RNF144A: variants seen among roughly 807,000 people sequenced by gnomAD.
RNF144A encodes ring finger protein 144A, also known as E3 ubiquitin-protein ligase RNF144A.
RNF144A carries 11 observed loss-of-function variants against 38.7 expected under a neutral mutation model. The observed-to-expected ratio is 0.28, with a 90% confidence interval of 0.18 to 0.47. The LOEUF (loss-of-function observed/expected upper bound fraction) is 0.47. Ranked by LOEUF, RNF144A falls within the 20% of genes least tolerant of loss-of-function variation. The probability of loss-of-function intolerance (pLI) is 0.99; values close to 1 mark genes in which losing one functional copy is unlikely to be tolerated. For missense variants in RNF144A, 316 were observed against 377.2 expected, an observed-to-expected ratio of 0.84 and a Z score of 1.34; for synonymous variants, 149 against 143.9, an observed-to-expected ratio of 1.04 and a Z score of -0.25.
At chr2:7,068,120 A>G (rs1360348102) in intron 6 of RNF144A, 1 of 593,212 alleles carries the variant, frequency 1.7e-6, no homozygotes, top group African/African-American at 1.9e-5. Context: ...ATCCCTTTGC[A>G]GTGGTCCCTC....
At chr2:7,027,588 G>A (rs1671993342) in intron 7 of RNF144A, among the ~76,000 whole-genome samples, 1 of 152,192 alleles carries the variant, frequency 6.6e-6, no homozygotes, top group South Asian at 2.1e-4. Flanking sequence ...AGTTCCAGTG[G>A]ACATTTTAAA....
chr2:7,028,586 A>G (rs1672076895), intron 7 of RNF144A, among the ~76,000 whole-genome samples: 1 of 152,214 alleles, frequency 6.6e-6, no homozygotes, highest in South Asian at 2.1e-4. Flanking sequence ...AAAAACGTTT[A>G]AAGAGCCTGC....
chr2:6,992,998 T>C (rs1669492165), intron 2 of RNF144A, among the ~76,000 whole-genome samples: 3 of 152,256 alleles, frequency 2.0e-5, no homozygotes, highest in Admixed American at 2.0e-4. Context: ...AAACAAAGAC[T>C]GTGCTTTCTT....
In RNF144A at chr2:7,042,237, C is replaced by T; in HGVS notation, c.*2477C>T. On this transcript the variant is annotated 3_prime_UTR_variant, in exon 9 of 9. Coordinates refer to ENST00000320892, the MANE Select transcript of RNF144A (RefSeq NM_014746.6). ...CTTTGATGGGAATACAGTATGAACC[C>T]TGCTTGATGTAAAATGGAAATAGCA... 1 of 985,412 alleles carries T rather than the reference C, an allele frequency of 1.0e-6. No individual in the cohort carries two copies. Among genetic ancestry groups the T allele is most frequent in the Non-Finnish European group, 1.2e-6 (1 of 829,928 alleles). 61.0% of individuals were successfully genotyped at this position (985,412 alleles called of 1,614,324 possible).
chr2:6,983,193 T>C (rs1668745492), intron 2 of RNF144A, among the ~76,000 whole-genome samples: 1 of 152,214 alleles, frequency 6.6e-6, no homozygotes, highest in African/African-American at 2.4e-5. Context: ...TTTGCAAGTC[T>C]CCTTCCTTGT....
intron 2 of RNF144A, among the ~76,000 whole-genome samples, chr2:6,972,404 A>G (rs1454364562): frequency 6.6e-6 from 1 of 152,164 alleles, no homozygotes; most frequent in African/African-American, 2.4e-5. Flanking sequence ...TTAACTGCAC[A>G]TGGCTTCGTG....
In RNF144A at chr2:6,967,807, A is replaced by T. The variant is rs117989443; in HGVS notation, c.-12+26660A>T. Among the ~76,000 whole-genome samples, 23 of 151,164 alleles carry T rather than the reference A, an allele frequency of 1.5e-4. No homozygotes were observed. In the East Asian group the frequency reaches 3.7e-3, roughly 24 times the overall value. ...AAGCCAAATTAAGATACTTCCATAG[A>T]CTCCTTTTTTTTTAATGTGTAAAAT... is the stretch of plus-strand genomic sequence containing the variant. On this transcript the variant is annotated intron_variant, in intron 2 of 8. Coordinates refer to ENST00000320892, the MANE Select transcript of RNF144A (RefSeq NM_014746.6).
chr2:7,034,818 G>T (rs34719558), intron 8 of RNF144A, among the ~76,000 whole-genome samples: 1 of 152,090 alleles, frequency 6.6e-6, no homozygotes, highest in East Asian at 1.9e-4. Flanking sequence ...CAGTGTGAGC[G>T]GAGGCACAGA....
intron 1 of RNF144A, among the ~76,000 whole-genome samples, chr2:6,940,597 C>T (rs1384889107): frequency 6.6e-6 from 1 of 151,778 alleles, no homozygotes; most frequent in Non-Finnish European, 1.5e-5. Context: ...CTCATGATTG[C>T]CCTGAGAAGC....
chr2:6,918,314 C>G (rs2103262580), intron 1 of RNF144A: 1 of 152,674 alleles, frequency 6.5e-6, no homozygotes, highest in Admixed American at 6.5e-5. Context: ...CCCCAAGCCC[C>G]CTGCACTGTG....
At chr2:6,969,893 C>G (rs1176569008) in intron 2 of RNF144A, among the ~76,000 whole-genome samples, 1 of 152,058 alleles carries the variant, frequency 6.6e-6, no homozygotes, top group East Asian at 1.9e-4. Context: ...TCCCCAGCAG[C>G]TGGGACTACA....
At chr2:7,037,810 C>A (rs912814400) in intron 8 of RNF144A, among the ~76,000 whole-genome samples, 1 of 152,150 alleles carries the variant, frequency 6.6e-6, no homozygotes, top group Non-Finnish European at 1.5e-5. Context: ...TCTTTTACTT[C>A]ATTTGTTTAT....
chr2:6,918,055 C>T (rs1167163369), intron 1 of RNF144A, among the ~76,000 whole-genome samples: 1 of 152,026 alleles, frequency 6.6e-6, no homozygotes, highest in Non-Finnish European at 1.5e-5. Flanking sequence ...CGCGGCCCCG[C>T]CCGCAGACCC....
rs1673160161 is a variant in RNF144A at position 7,043,275 on chromosome 2, A to G, written c.*3515A>G. On this transcript the variant is annotated 3_prime_UTR_variant, in exon 9 of 9. Coordinates refer to ENST00000320892, the MANE Select transcript of RNF144A (RefSeq NM_014746.6). ...GAACACAGGACCTGTGGGAGGGACT[A>G]TCAGAGATGCAAAAATTACTTCAAG... is the stretch of plus-strand genomic sequence containing the variant. 2 of 985,124 alleles carry G rather than the reference A, an allele frequency of 2.0e-6. No individual in the cohort carries two copies. Among genetic ancestry groups the G allele is most frequent in the African/African-American group, 3.5e-5 (2 of 57,252 alleles). 61.0% of individuals were successfully genotyped at this position (985,124 alleles called of 1,614,324 possible). A position where few individuals can be genotyped will look rare whatever the true frequency, so the allele number is the denominator to read the frequency against.
intron 2 of RNF144A, among the ~76,000 whole-genome samples, chr2:6,992,106 G>T (rs777340981): frequency 6.6e-6 from 1 of 152,038 alleles, no homozygotes; most frequent in South Asian, 2.1e-4. Flanking sequence ...GTTGAAGAAC[G>T]GTGCACTTGG....
chr2:7,048,949 A>G (rs1193306038), downstream of RNF144A, among the ~76,000 whole-genome samples: 1 of 152,202 alleles, frequency 6.6e-6, no homozygotes, highest in Non-Finnish European at 1.5e-5. Flanking sequence ...ACTGAGAATG[A>G]TAGAGATGCA....
chr2:7,059,332 C>T (rs1347278271), intron 6 of RNF144A, among the ~76,000 whole-genome samples: 4 of 151,872 alleles, frequency 2.6e-5, no homozygotes, highest in South Asian at 2.1e-4. Context: ...GGTGACAGAG[C>T]GAGACTCCGC....
downstream of RNF144A, among the ~76,000 whole-genome samples, chr2:7,069,612 C>T (rs1309236402): frequency 6.6e-6 from 1 of 152,166 alleles, no homozygotes; most frequent in African/African-American, 2.4e-5. Context: ...ATTCGGGCAG[C>T]TTAAAATACA....
intron 6 of RNF144A, among the ~76,000 whole-genome samples, chr2:7,057,243 G>A (rs894146029): frequency 3.9e-5 from 6 of 152,188 alleles, no homozygotes; most frequent in African/African-American, 1.2e-4. Context: ...CTAAGTTATT[G>A]ATGATTAACC....
Sources: gnomAD v4.1 joint callset for allele counts (sites outside exome capture counted in the v4.1 genomes callset) on GRCh38, gnomAD v4.1.1 for gene constraint, MANE v1.5 for transcripts, NCBI Gene and HGNC (gene_info 2026-07-23, HGNC 2026-07-21) for gene names.